The following GLIS3 variants were observed in gnomAD, a reference collection of about 807,000 sequenced individuals.
GLIS3 encodes zinc finger protein GLIS3.
GLIS3 carries 53 observed loss-of-function variants against 78.6 expected under a neutral mutation model. That is an observed-to-expected ratio of 0.67 (90% CI 0.54 to 0.85). The LOEUF is 0.85. GLIS3 is among the 40% of genes least tolerant of loss of function. GLIS3 has a pLI of 0.00. For missense variants in GLIS3, 1,703 were observed against 1,231.1 expected (o/e 1.38, Z -5.74); for synonymous variants, 684 against 509.9 (o/e 1.34, Z -4.60).
the GLIS3 span, among the ~76,000 whole-genome samples, chr9:4,488,445 A>G: frequency 6.6e-6 from 1 of 151,776 alleles, no homozygotes; most frequent in Admixed American, 6.6e-5. Flanking sequence ...TTACCATTCC[A>G]TTTATGTTGG....
the GLIS3 span, among the ~76,000 whole-genome samples, chr9:4,358,719 T>C: frequency 1.3e-5 from 2 of 152,336 alleles, no homozygotes; most frequent in Non-Finnish European, 2.9e-5. Context: ...CACGTGTGTA[T>C]GTGTGCACAT....
intron 6 of GLIS3, among the ~76,000 whole-genome samples, chr9:3,925,586 AGTGTGTGTGCGTGTGCGCGCGTGTGT>A (rs1433730857): frequency 6.6e-6 from 1 of 151,042 alleles, no homozygotes; most frequent in African/African-American, 2.4e-5. Context: ...CTACATGGTC[AGTGTGTGTGCGTGTGCGCGCGTGTGT>A]GTGTGTGTGC....
At chr9:4,076,571 C>T (rs1828073720) in intron 4 of GLIS3, among the ~76,000 whole-genome samples, 2 of 152,110 alleles carry the variant, frequency 1.3e-5, no homozygotes. Context: ...TAAAAAAGAA[C>T]ATTGACCATT....
Position 4,264,890 on chromosome 9 carries a change from G to C in GLIS3, c.388+21148C>G, listed in dbSNP as rs551776236. ...TCAGTGAAATAACAATCTTCGGCCA[G>C]GCACAGTGGCTCACGCCTGTAATCC... is the stretch of plus-strand genomic sequence containing the variant. On this transcript the variant is annotated intron_variant, in intron 2 of 10. Coordinates refer to ENST00000381971, the MANE Select transcript of GLIS3 (RefSeq NM_001042413.2). Among the ~76,000 whole-genome samples the C allele has an allele frequency of 4.6e-5, 7 of 152,228 alleles. 1 individual carries two copies. In the South Asian group the frequency reaches 1.5e-3, roughly 32 times the overall value.
intron 4 of GLIS3, among the ~76,000 whole-genome samples, chr9:3,994,306 A>T (rs888082444): frequency 1.3e-5 from 2 of 152,232 alleles, no homozygotes; most frequent in South Asian, 4.1e-4. Flanking sequence ...TTCACAGTAC[A>T]GCCCATGGCC....
the GLIS3 span, among the ~76,000 whole-genome samples, chr9:4,475,969 A>C: frequency 3.9e-5 from 6 of 152,048 alleles, no homozygotes; most frequent in African/African-American, 1.4e-4. Context: ...GGCTGGTCTC[A>C]AACTCCCGGG....
the GLIS3 span, among the ~76,000 whole-genome samples, chr9:4,439,726 G>A: frequency 2.6e-5 from 4 of 152,170 alleles, no homozygotes; most frequent in Non-Finnish European, 5.9e-5. Flanking sequence ...AGGCTGGAGA[G>A]CAGTGGTGTA....
At chr9:4,130,542 C>G (rs1832899821) in intron 2 of GLIS3, among the ~76,000 whole-genome samples, 2 of 152,242 alleles carry the variant, frequency 1.3e-5, no homozygotes, top group Non-Finnish European at 2.9e-5. Context: ...CCAGGTACAG[C>G]TCAGGCCTCT....
chr9:3,878,430 G>T (rs993716237), intron 8 of GLIS3, among the ~76,000 whole-genome samples: 19 of 152,108 alleles, frequency 1.2e-4, no homozygotes, highest in Non-Finnish European at 8.8e-5. Context: ...GATAAAGGAA[G>T]AAAGTCATAA....
At chr9:4,489,689 T>G in the GLIS3 span, among the ~76,000 whole-genome samples, 4 of 152,156 alleles carry the variant, frequency 2.6e-5, no homozygotes, top group African/African-American at 7.2e-5. Flanking sequence ...CCGCCCACTT[T>G]CTCCCCAGAG....
At chr9:4,018,162 G>C (rs1822591572) in intron 4 of GLIS3, among the ~76,000 whole-genome samples, 1 of 152,218 alleles carries the variant, frequency 6.6e-6, no homozygotes, top group Non-Finnish European at 1.5e-5. Context: ...AGGAAGAAAG[G>C]AAAGGAGGTA....
In GLIS3 at chr9:3,921,923, T is replaced by TATACACACACAC. The variant is rs1554647308; in HGVS notation, c.1983+10436_1983+10437insGTGTGTGTGTAT. On this transcript the variant is annotated intron_variant, in intron 6 of 10. Coordinates refer to ENST00000381971, the MANE Select transcript of GLIS3 (RefSeq NM_001042413.2). ...TCTATTATTCATCCATCATACTGTG[T>TATACACACACAC]ACACACACACACACACACACACACT... Among the ~76,000 whole-genome samples, 4 of 149,758 alleles carry TATACACACACAC rather than the reference T, an allele frequency of 2.7e-5. No individual in the cohort carries two copies. In the East Asian group the frequency reaches 7.9e-4, roughly 29 times the overall value.
chr9:4,408,865 G>A, the GLIS3 span, among the ~76,000 whole-genome samples: 3 of 151,856 alleles, frequency 2.0e-5, no homozygotes, highest in Admixed American at 1.3e-4. Context: ...TTGTAACATG[G>A]GATAAATGCT....
intron 4 of GLIS3, among the ~76,000 whole-genome samples, chr9:4,011,366 A>G (rs1377564803): frequency 6.6e-6 from 1 of 152,188 alleles, no homozygotes; most frequent in Non-Finnish European, 1.5e-5. Context: ...GGAAGATGAA[A>G]ACAGAAGCAA....
At chr9:4,305,064 A>C (rs1330307), upstream of GLIS3, 60,515 of 152,016 alleles carry the variant, frequency 0.4, 13,743 homozygotes, top group East Asian at 0.59. Context: ...ACAACATCCG[A>C]ATCAGGTAAG....
intron 2 of GLIS3, among the ~76,000 whole-genome samples, chr9:4,260,566 CAAAA>C (rs372293678): frequency 1.7e-5 from 2 of 116,952 alleles, no homozygotes; most frequent in Non-Finnish European, 3.5e-5. Flanking sequence ...GACTCTGTCT[CAAAA>C]AAAAAAAAAA....
At chr9:3,992,308 AAAACT>A (rs763750328) in intron 4 of GLIS3, among the ~76,000 whole-genome samples, 3 of 152,222 alleles carry the variant, frequency 2.0e-5, no homozygotes, top group Non-Finnish European at 2.9e-5. Context: ...AATGTGAAAG[AAAACT>A]AAAGAAAGCA....
At chr9:3,996,626 AG>A (rs1396069757) in intron 4 of GLIS3, among the ~76,000 whole-genome samples, 1 of 152,228 alleles carries the variant, frequency 6.6e-6, no homozygotes, top group Non-Finnish European at 1.5e-5. Flanking sequence ...CTTAGGAGTT[AG>A]GAAAAAAACT....
intron 2 of GLIS3, among the ~76,000 whole-genome samples, chr9:4,195,822 A>G (rs971690421): frequency 7.2e-5 from 11 of 152,112 alleles, no homozygotes; most frequent in African/African-American, 2.4e-4. Flanking sequence ...GTCTAACTCA[A>G]GGTCTGTAAA....
Sources: allele counts gnomAD v4.1 joint callset (sites outside exome capture counted in the v4.1 genomes callset), GRCh38; gene constraint gnomAD v4.1.1; transcripts MANE v1.5; gene names NCBI Gene and HGNC (gene_info 2026-07-23, HGNC 2026-07-21).